STXBP5L: variants seen among roughly 807,000 people sequenced by gnomAD.
The protein encoded by STXBP5L is syntaxin binding protein 5L.
In STXBP5L, 65 loss-of-function variants were observed where a neutral mutation model predicts 144.5. The ratio of observed to expected loss-of-function variants is 0.45; its 90% CI spans 0.37 to 0.55. The LOEUF (loss-of-function observed/expected upper bound fraction) is 0.55, where lower values mean the gene tolerates loss of function less well. Ranked by LOEUF, STXBP5L falls within the 20% of genes least tolerant of loss-of-function variation. The probability of loss-of-function intolerance (pLI) is 0.00; values close to 1 mark genes in which losing one functional copy is unlikely to be tolerated. For synonymous variants in STXBP5L, 505 were observed against 469.6 expected (o/e 1.08, Z -0.97); for missense variants, 1,298 against 1,405.5 (o/e 0.92, Z 1.22).
chr3:120,932,484 A>AT (rs1709998363), intron 2 of STXBP5L, among the ~76,000 whole-genome samples: 3 of 152,274 alleles, frequency 2.0e-5, no homozygotes, highest in Middle Eastern at 3.4e-3. Context: ...TCGCTTTAGT[A>AT]TTTTTTGTGT....
At chr3:120,980,346 C>T (rs1317507665) in intron 3 of STXBP5L, among the ~76,000 whole-genome samples, 1 of 151,932 alleles carries the variant, frequency 6.6e-6, no homozygotes, top group Admixed American at 6.6e-5. Context: ...TATTGTTTTG[C>T]TATTTATCTC....
At chr3:121,067,067 TAA>T (rs1265694106) in intron 5 of STXBP5L, among the ~76,000 whole-genome samples, 2 of 152,084 alleles carry the variant, frequency 1.3e-5, no homozygotes, top group Non-Finnish European at 2.9e-5. Flanking sequence ...TTATCTTTTT[TAA>T]AAATAAGTCT....
At chr3:121,321,569 G>C (rs2108537765) in intron 20 of STXBP5L, among the ~76,000 whole-genome samples, 1 of 152,282 alleles carries the variant, frequency 6.6e-6, no homozygotes, top group African/African-American at 2.4e-5. Flanking sequence ...GTAGATCTGA[G>C]GTGGGGCCTG....
At chr3:120,960,939 A>T (rs887538236) in intron 3 of STXBP5L, among the ~76,000 whole-genome samples, 1 of 152,138 alleles carries the variant, frequency 6.6e-6, no homozygotes, top group Admixed American at 6.5e-5. Context: ...CCATGATACT[A>T]TCAGGTCTTG....
intron 5 of STXBP5L, among the ~76,000 whole-genome samples, chr3:121,065,608 A>G (rs1001165520): frequency 1.3e-5 from 2 of 152,158 alleles, no homozygotes; most frequent in Non-Finnish European, 2.9e-5. Context: ...GAGCCTCACT[A>G]TGTTATTCAG....
intron 2 of STXBP5L, among the ~76,000 whole-genome samples, chr3:120,916,514 T>C (rs1454488685): frequency 6.6e-6 from 1 of 152,280 alleles, no homozygotes; most frequent in East Asian, 1.9e-4. Flanking sequence ...TTGGCCAGGC[T>C]GGTCTCAAAC....
At chr3:121,056,767 C>T (rs768688559) in intron 5 of STXBP5L, among the ~76,000 whole-genome samples, 1 of 151,836 alleles carries the variant, frequency 6.6e-6, no homozygotes, top group Admixed American at 6.6e-5. Flanking sequence ...TCTTTATAGA[C>T]GTTCATTACA....
chr3:121,191,346 C>T (rs370088236), intron 9 of STXBP5L, among the ~76,000 whole-genome samples: 4 of 152,236 alleles, frequency 2.6e-5, no homozygotes, highest in South Asian at 4.1e-4. Context: ...GAGACCAGCC[C>T]GGCCAACACG....
At chr3:121,164,217 C>T (rs540615694) in intron 9 of STXBP5L, among the ~76,000 whole-genome samples, 1 of 152,174 alleles carries the variant, frequency 6.6e-6, no homozygotes, top group South Asian at 2.1e-4. Context: ...CCAAAGAACA[C>T]ATAAAAATGG....
chr3:120,972,294 G>T (rs768580942), intron 3 of STXBP5L, among the ~76,000 whole-genome samples: 11 of 151,722 alleles, frequency 7.3e-5, no homozygotes, highest in Non-Finnish European at 1.0e-4. Flanking sequence ...TCACCTCCTT[G>T]GTTAAATGTA....
chr3:121,346,373 C>A (rs907937238), intron 20 of STXBP5L, among the ~76,000 whole-genome samples: 3 of 151,922 alleles, frequency 2.0e-5, no homozygotes, highest in Non-Finnish European at 4.4e-5. Flanking sequence ...GGGGTTGGTT[C>A]CAAGTCTTTG....
chr3:121,086,514 G>A (rs996526385), intron 5 of STXBP5L, among the ~76,000 whole-genome samples: 2 of 152,014 alleles, frequency 1.3e-5, no homozygotes, highest in Non-Finnish European at 2.9e-5. Context: ...ATTGCCTACA[G>A]TATTCACTAC....
intron 18 of STXBP5L, among the ~76,000 whole-genome samples, chr3:121,276,253 C>A (rs544950679): frequency 6.6e-6 from 1 of 152,076 alleles, no homozygotes; most frequent in South Asian, 2.1e-4. Context: ...AATGATACCA[C>A]TTTTCATATA....
At chr3:121,299,029 C>T (rs2051777823) in intron 19 of STXBP5L, among the ~76,000 whole-genome samples, 1 of 152,110 alleles carries the variant, frequency 6.6e-6, no homozygotes, top group South Asian at 2.1e-4. Context: ...CAATCACCAA[C>T]ACAACAGCAT....
intron 11 of STXBP5L, among the ~76,000 whole-genome samples, chr3:121,228,049 A>T (rs1220433920): frequency 1.3e-5 from 2 of 152,220 alleles, no homozygotes; most frequent in Non-Finnish European, 2.9e-5. Context: ...CCTGCCAAAG[A>T]TGTTAAAAAT....
At chr3:121,293,669 G>C (rs1406110044) in intron 19 of STXBP5L, among the ~76,000 whole-genome samples, 2 of 152,144 alleles carry the variant, frequency 1.3e-5, no homozygotes, top group Non-Finnish European at 1.5e-5. Context: ...AGACAAGCCT[G>C]GCCAATATGG....
intron 3 of STXBP5L, among the ~76,000 whole-genome samples, chr3:120,956,471 C>T (rs1194323032): frequency 6.6e-6 from 1 of 151,878 alleles, no homozygotes; most frequent in Non-Finnish European, 1.5e-5. Flanking sequence ...GCATAATGTC[C>T]TCAACGTTTA....
intron 5 of STXBP5L, among the ~76,000 whole-genome samples, chr3:121,106,544 C>T (rs2043719845): frequency 6.6e-6 from 1 of 152,118 alleles, no homozygotes; most frequent in Admixed American, 6.6e-5. Flanking sequence ...TGGCTTTGAG[C>T]TCCATCCTTG....
At chr3:121,246,775 T>G (rs1405033411) in intron 14 of STXBP5L, among the ~76,000 whole-genome samples, 1 of 152,152 alleles carries the variant, frequency 6.6e-6, no homozygotes, top group Non-Finnish European at 1.5e-5. Context: ...TATTAATACA[T>G]GTAAGAAATA....
Sources: allele counts gnomAD v4.1 joint callset (sites outside exome capture counted in the v4.1 genomes callset), GRCh38; gene constraint gnomAD v4.1.1; transcripts MANE v1.5; gene names NCBI Gene and HGNC (gene_info 2026-07-23, HGNC 2026-07-21).